GLT1D1: variants seen among roughly 807,000 people sequenced by gnomAD.
GLT1D1 encodes the protein glycosyltransferase 1 domain containing 1, also known as glycosyltransferase 1 domain-containing protein 1.
GLT1D1 carries 21 observed loss-of-function variants against 28.7 expected under a neutral mutation model. The ratio of observed to expected loss-of-function variants is 0.73; its 90% CI spans 0.52 to 1.05. GLT1D1 has a LOEUF of 1.05. Among genes scored for constraint, GLT1D1 ranks in the 50% least tolerant of loss-of-function variants. The pLI, the probability that GLT1D1 is intolerant of heterozygous loss-of-function variation, is 0.00. For synonymous variants in GLT1D1, 147 were observed against 124.8 expected (o/e 1.18, Z -1.19); for missense variants, 343 against 330.6 (o/e 1.04, Z -0.29).
At chr12:128,980,264 C>T (rs747586525) in intron 7 of GLT1D1, among the ~76,000 whole-genome samples, 2 of 152,230 alleles carry the variant, frequency 1.3e-5, no homozygotes, top group African/African-American at 4.8e-5. Flanking sequence ...GACCCCACAA[C>T]AGGCTCGGAC....
chr12:128,908,777 G>A (rs1871216650), intron 4 of GLT1D1, among the ~76,000 whole-genome samples: 1 of 151,806 alleles, frequency 6.6e-6, no homozygotes, highest in African/African-American at 2.4e-5. Flanking sequence ...GTGAAACCCC[G>A]TCTCTACTAA....
chr12:128,965,857 T>C (rs1224173969), intron 7 of GLT1D1, among the ~76,000 whole-genome samples: 2 of 152,024 alleles, frequency 1.3e-5, no homozygotes, highest in Admixed American at 1.3e-4. Flanking sequence ...ATCTTGCCAC[T>C]GCACTCCACC....
At chr12:128,857,435 G>A (rs1340110408) in intron 1 of GLT1D1, among the ~76,000 whole-genome samples, 2 of 152,160 alleles carry the variant, frequency 1.3e-5, no homozygotes, top group East Asian at 3.9e-4. Flanking sequence ...CCAGGCGTTT[G>A]TTGTCCTTCA....
rs150025025 is a variant in GLT1D1, at chr12:128,967,956, G to C, written c.639+10313G>C. 2.0e-5 allele frequency among the ~76,000 whole-genome samples: 3 copies of C among 152,322 alleles called. No homozygotes were observed. The East Asian group carries it at 5.8e-4, about 29-fold the overall frequency. ...AGGAAACTCGGGACAAAGCATGTGT[G>C]AACTACATTGGAGGTTAATGCAAAA... is the stretch of plus-strand genomic sequence containing the variant. On this transcript the variant is annotated intron_variant, in intron 7 of 7. Transcript: ENST00000281703.
intron 4 of GLT1D1, among the ~76,000 whole-genome samples, chr12:128,901,980 C>A (rs1870329961): frequency 6.6e-6 from 1 of 151,732 alleles, no homozygotes; most frequent in Non-Finnish European, 1.5e-5. Context: ...TTCCCAATAT[C>A]TGAAGGCTTT....
At chr12:128,951,683 C>T (rs976807618) in intron 6 of GLT1D1, among the ~76,000 whole-genome samples, 1 of 152,216 alleles carries the variant, frequency 6.6e-6, no homozygotes, top group African/African-American at 2.4e-5. Context: ...GCACACTCAC[C>T]TCTGTGCACT....
At chr12:128,971,432 T>TCCTCCCTCCCTCCATCCCTCCCTCTG (rs1879042568) in intron 7 of GLT1D1, among the ~76,000 whole-genome samples, 2 of 106,176 alleles carry the variant, frequency 1.9e-5, no homozygotes, top group South Asian at 8.8e-4. Context: ...CTTCCTCTCC[T>TCCTCCCTCCCTCCATCCCTCCCTCTG]CCTCCCTCCC....
At position 128,862,550 on chromosome 12, in the gene GLT1D1, G is replaced by A. The variant is rs1956408050; in HGVS notation, c.68+8901G>A. Among the ~76,000 whole-genome samples the A allele has an allele frequency of 2.6e-5, 4 of 152,098 alleles. No homozygotes were observed. In the South Asian group the frequency reaches 8.3e-4, roughly 32 times the overall value. On this transcript the variant is annotated intron_variant, in intron 1 of 7. Transcript: ENST00000281703. ...CCCAGCTACTCAGAAGGCTGAGGCAGGAGGATCACTTGAGCCCAGGGAAGT... is the reference window on the plus strand; with the variant it reads ...CCCAGCTACTCAGAAGGCTGAGGCAAGAGGATCACTTGAGCCCAGGGAAGT...
At chr12:128,920,484 G>A (rs193115614) in intron 4 of GLT1D1, among the ~76,000 whole-genome samples, 3 of 152,144 alleles carry the variant, frequency 2.0e-5, no homozygotes, top group Non-Finnish European at 2.9e-5. Flanking sequence ...GACCTGGGAG[G>A]CGGAGGTTGC....
In GLT1D1 at chr12:128,908,369, CTTTCTTTTCTTTCTCTTTCTT is replaced by C. The variant is rs1260298667; in HGVS notation, c.375+9084_375+9104del. Reference sequence around the variant, plus strand: ...TTCCCTTTCTTTCTTTCTTTTCTTTCTTTCTTTTCTTTCTCTTTCTTTCTCTCTCTCTCTCTTTCTTTCTTT... The same window carrying C: ...TTCCCTTTCTTTCTTTCTTTTCTTTCTCTCTCTCTCTCTCTTTCTTTCTTT... On this transcript the variant is annotated intron_variant, in intron 4 of 7. Coordinates refer to ENST00000281703, the MANE Select transcript of GLT1D1 (RefSeq NM_144669.3). 1.6e-4 allele frequency among the ~76,000 whole-genome samples: 9 copies of C among 55,782 alleles called. No individual in the cohort carries two copies. In the South Asian group the frequency reaches 2.5e-3, roughly 16 times the overall value. The allele number at this position is 55,782 out of a possible 152,430, so 36.6% of individuals were successfully genotyped here.
In GLT1D1 at chr12:128,907,060, T is replaced by C; in HGVS notation, c.375+7773T>C. On this transcript the variant is annotated intron_variant, in intron 4 of 7. Transcript: ENST00000281703. ...AGTAGAAGCATGCTGTCTTTTGAGC[T>C]ACTTATTACTTCTCCCTCTTCCTGC... is the stretch of plus-strand genomic sequence containing the variant. The C allele has an allele frequency of 4.5e-6, 3 of 668,502 alleles. No homozygotes were observed. In the South Asian group the frequency reaches 4.8e-5, roughly 11 times the overall value. The allele number at this position is 668,502 out of a possible 1,614,324, so 41.4% of individuals were successfully genotyped here.
chr12:128,887,368 A>G (rs1014078430), intron 2 of GLT1D1, among the ~76,000 whole-genome samples: 1 of 151,966 alleles, frequency 6.6e-6, no homozygotes, highest in Admixed American at 6.6e-5. Context: ...GACAACAGTT[A>G]TTATTTTGTG....
chr12:128,862,773 C>CGCTCAACCACA (rs1320249014), intron 1 of GLT1D1, among the ~76,000 whole-genome samples: 1 of 152,230 alleles, frequency 6.6e-6, no homozygotes, highest in East Asian at 1.9e-4. Flanking sequence ...AGGAGGCAGC[C>CGCTCAACCACA]GCTCAACCAC....
At chr12:128,874,102 C>CTTTCTTTCTTTCTTTCTT (rs1566091147) in intron 1 of GLT1D1, among the ~76,000 whole-genome samples, 2 of 40,118 alleles carry the variant, frequency 5.0e-5, no homozygotes, top group African/African-American at 2.5e-4. Context: ...CTTTCTTTCT[C>CTTTCTTTCTTTCTTTCTT]TCTCTCTCTC....
intron 7 of GLT1D1, among the ~76,000 whole-genome samples, chr12:128,959,421 C>CGGGGGGGG: frequency 2.0e-4 from 2 of 9,946 alleles, no homozygotes; most frequent in East Asian, 6.4e-3. Context: ...TGGGGGGGGA[C>CGGGGGGGG]GGGTGGGGAG....
chr12:128,949,873 C>A (rs1876512718), intron 6 of GLT1D1, among the ~76,000 whole-genome samples: 1 of 152,156 alleles, frequency 6.6e-6, no homozygotes, highest in Non-Finnish European at 1.5e-5. Flanking sequence ...CGCACACACA[C>A]ACGCTCTGCC....
intron 4 of GLT1D1, chr12:128,944,968 C>A (rs1253956862): frequency 1.8e-6 from 1 of 557,318 alleles, no homozygotes; most frequent in East Asian, 2.9e-5. Flanking sequence ...CCCAACAGGC[C>A]CCGGTGTGTG....
chr12:128,930,319 A>G (rs1286196302), intron 4 of GLT1D1: 1 of 152,254 alleles, frequency 6.6e-6, no homozygotes, highest in Non-Finnish European at 1.5e-5. Context: ...ATGAGCAGGC[A>G]ACAACAGTAT....
chr12:128,923,890 C>T (rs1002261807), intron 4 of GLT1D1, among the ~76,000 whole-genome samples: 1 of 152,018 alleles, frequency 6.6e-6, no homozygotes. Context: ...TCTAAATTTA[C>T]GCCTCTTTTT....
Sources: allele counts gnomAD v4.1 joint callset (sites outside exome capture counted in the v4.1 genomes callset), GRCh38; gene constraint gnomAD v4.1.1; transcripts MANE v1.5; gene names NCBI Gene and HGNC (gene_info 2026-07-23, HGNC 2026-07-21).